Variants in AFG1L observed in about 807,000 individuals in gnomAD.
AFG1L encodes the protein AFG1-like ATPase.
A neutral mutation model predicts 62.2 loss-of-function variants in AFG1L; 53 were observed. That is an observed-to-expected ratio of 0.85 (90% CI 0.68 to 1.07). The LOEUF (loss-of-function observed/expected upper bound fraction) is 1.07, where lower values mean the gene tolerates loss of function less well. Ranked by LOEUF, AFG1L falls within the 50% of genes least tolerant of loss-of-function variation. AFG1L has a pLI of 0.00. For synonymous variants in AFG1L, 228 were observed against 210.3 expected (o/e 1.08, Z -0.73); for missense variants, 555 against 590.5 (o/e 0.94, Z 0.62).
chr6:108,301,072 T>G (rs1189321096), intron 1 of AFG1L, among the ~76,000 whole-genome samples: 1 of 152,224 alleles, frequency 6.6e-6, no homozygotes, highest in Middle Eastern at 3.2e-3. Context: ...GAAAAGAATG[T>G]CATGCCTATC....
intron 8 of AFG1L, among the ~76,000 whole-genome samples, chr6:108,448,160 A>G (rs1391593075): frequency 2.0e-5 from 3 of 152,234 alleles, no homozygotes; most frequent in African/African-American, 7.2e-5. Flanking sequence ...CATACTTTAC[A>G]GTGTACCAAG....
At chr6:108,371,614 C>T (rs1038309628) in intron 6 of AFG1L, among the ~76,000 whole-genome samples, 2 of 151,996 alleles carry the variant, frequency 1.3e-5, no homozygotes, top group Non-Finnish European at 2.9e-5. Flanking sequence ...ATTCTCCCAC[C>T]TTAGCCTCCC....
intron 2 of AFG1L, among the ~76,000 whole-genome samples, chr6:108,335,812 A>G (rs1447329853): frequency 6.6e-6 from 1 of 152,238 alleles, no homozygotes; most frequent in Non-Finnish European, 1.5e-5. Context: ...AGTGGTGCAC[A>G]CAGGAACTTA....
intron 8 of AFG1L, among the ~76,000 whole-genome samples, chr6:108,464,677 T>C (rs1343843380): frequency 6.6e-6 from 1 of 152,158 alleles, no homozygotes; most frequent in Non-Finnish European, 1.5e-5. Flanking sequence ...ATGAAATGGA[T>C]GGGTTTTATC....
chr6:108,434,919 A>G (rs187351275), intron 7 of AFG1L, among the ~76,000 whole-genome samples: 2 of 152,220 alleles, frequency 1.3e-5, no homozygotes, highest in Non-Finnish European at 1.5e-5. Flanking sequence ...ATTCTTTCCT[A>G]CATCTTCTCC....
At chr6:108,375,744 A>G (rs1032218990) in intron 6 of AFG1L, among the ~76,000 whole-genome samples, 2 of 151,694 alleles carry the variant, frequency 1.3e-5, no homozygotes, top group African/African-American at 4.8e-5. Context: ...TTTTTTGAGG[A>G]TTTTGGTATC....
chr6:108,376,401 ATTGT>A (rs1780248695), intron 6 of AFG1L, among the ~76,000 whole-genome samples: 1 of 151,076 alleles, frequency 6.6e-6, no homozygotes, highest in Non-Finnish European at 1.5e-5. Context: ...GTGATGTTGG[ATTGT>A]TGATTAGTAT....
At chr6:108,506,258 G>T (rs866842300) in intron 10 of AFG1L, among the ~76,000 whole-genome samples, 1 of 152,286 alleles carries the variant, frequency 6.6e-6, no homozygotes, top group Middle Eastern at 3.4e-3. Flanking sequence ...CCAGGCTCGA[G>T]TGCAATGGTG....
chr6:108,473,965 G>A (rs753128600), intron 8 of AFG1L, among the ~76,000 whole-genome samples: 2 of 152,106 alleles, frequency 1.3e-5, no homozygotes, highest in African/African-American at 2.4e-5. Context: ...TTGCTGCACC[G>A]ATCAACCCAT....
chr6:108,320,101 C>T (rs9384676), intron 1 of AFG1L, among the ~76,000 whole-genome samples: 51,364 of 151,970 alleles, frequency 0.34, 10,772 homozygotes, highest in East Asian at 0.63. Context: ...AACAATGAGA[C>T]GAATTTCAAG....
intron 10 of AFG1L, among the ~76,000 whole-genome samples, chr6:108,500,734 G>A (rs546648879): frequency 2.0e-5 from 3 of 152,320 alleles, no homozygotes; most frequent in African/African-American, 4.8e-5. Context: ...TCTCCATACT[G>A]TTTCCATGGG....
chr6:108,461,942 A>C (rs1430689866), intron 8 of AFG1L, among the ~76,000 whole-genome samples: 1 of 152,102 alleles, frequency 6.6e-6, no homozygotes, highest in Non-Finnish European at 1.5e-5. Context: ...AAAGTACAGA[A>C]AAATTAGCCA....
chr6:108,368,258 C>T (rs997983159), intron 6 of AFG1L, among the ~76,000 whole-genome samples: 2 of 150,806 alleles, frequency 1.3e-5, no homozygotes, highest in African/African-American at 2.4e-5. Context: ...TTTTTTTTGG[C>T]TATCCCTACT....
intron 1 of AFG1L, among the ~76,000 whole-genome samples, chr6:108,313,429 TACTC>T (rs1285682886): frequency 1.3e-5 from 2 of 152,308 alleles, no homozygotes; most frequent in African/African-American, 4.8e-5. Flanking sequence ...ACTTAGTAAA[TACTC>T]AGTAAAGGTT....
Position 108,468,935 on chromosome 6 carries a change from C to T in AFG1L, c.891-7930C>T, listed in dbSNP as rs1433011486. Among the ~76,000 whole-genome samples, 9 of 152,164 alleles carry T rather than the reference C, an allele frequency of 5.9e-5. No homozygotes were observed. In the East Asian group the frequency reaches 1.7e-3, roughly 29 times the overall value. On this transcript the variant is annotated intron_variant, in intron 8 of 12. Coordinates refer to ENST00000368977, the MANE Select transcript of AFG1L (RefSeq NM_145315.5). ...TCTTGTGGGTGCAATATCTTATTCT[C>T]TCCAAGCATATTATAGTGTGTTCTT... is the stretch of plus-strand genomic sequence containing the variant.
chr6:108,335,730 A>G (rs922699322), intron 2 of AFG1L, among the ~76,000 whole-genome samples: 1 of 152,244 alleles, frequency 6.6e-6, no homozygotes, highest in African/African-American at 2.4e-5. Flanking sequence ...GGCCAAAAGC[A>G]GAGTATCAGG....
In AFG1L at chr6:108,455,711, G is replaced by C. The variant is rs192480185; in HGVS notation, c.890+8415G>C. The stretch of plus-strand genomic sequence containing the variant: ...TTTTTTGGCCCATGGGTTATTAAAA[G>C]TGTGTTATTTACTTTCTGAACGTTT... On this transcript the variant is annotated intron_variant, in intron 8 of 12. Transcript: ENST00000368977. Among the ~76,000 whole-genome samples, 11 of 152,186 alleles carry C rather than the reference G, an allele frequency of 7.2e-5. No individual in the cohort carries two copies. The East Asian group carries it at 2.1e-3, about 29-fold the overall frequency.
intron 8 of AFG1L, among the ~76,000 whole-genome samples, chr6:108,462,607 T>TC (rs1772505789): frequency 6.6e-6 from 1 of 152,196 alleles, no homozygotes; most frequent in African/African-American, 2.4e-5. Context: ...AGTACCAGGT[T>TC]CCACCAGTCA....
chr6:108,432,583 C>G (rs1771123875), intron 7 of AFG1L, among the ~76,000 whole-genome samples: 1 of 152,190 alleles, frequency 6.6e-6, no homozygotes, highest in Non-Finnish European at 1.5e-5. Context: ...CTCGATGATC[C>G]TATGGCTTTA....
Sources: allele counts gnomAD v4.1 joint callset (sites outside exome capture counted in the v4.1 genomes callset), GRCh38; gene constraint gnomAD v4.1.1; transcripts MANE v1.5; gene names NCBI Gene and HGNC (gene_info 2026-07-23, HGNC 2026-07-21).